Variants in ADD2 observed in about 807,000 individuals in gnomAD.
ADD2 encodes beta-adducin.
A neutral mutation model predicts 83.0 loss-of-function variants in ADD2; 23 were observed. The ratio of observed to expected loss-of-function variants is 0.28; its 90% CI spans 0.20 to 0.39. The LOEUF (loss-of-function observed/expected upper bound fraction) is 0.39, where lower values mean the gene tolerates loss of function less well. Ranked by LOEUF, ADD2 falls within the 10% of genes least tolerant of loss-of-function variation. The probability of loss-of-function intolerance (pLI) is 1.00; values close to 1 mark genes in which losing one functional copy is unlikely to be tolerated. For missense variants in ADD2, 758 were observed against 944.9 expected, an observed-to-expected ratio of 0.80 and a Z score of 2.59; for synonymous variants, 375 against 375.4, an observed-to-expected ratio of 1.00 and a Z score of 0.01.
chr2:70,712,950 C>T (rs996599490), intron 2 of ADD2, 116 bp downstream of exon 2: 1 of 230,934 alleles, frequency 4.3e-6, no homozygotes, highest in Non-Finnish European at 7.2e-6. Context: ...ATAGCAATGA[C>T]CTGAGTGTCT....
At position 70,736,822 on chromosome 2, in the gene ADD2, G is replaced by A. The variant is rs116503946; in HGVS notation, c.-153-23638C>T. Among the ~76,000 whole-genome samples, 581 of 151,324 alleles carry A rather than the reference G, an allele frequency of 3.8e-3. 6 individuals are homozygous for A. The highest frequency in any genetic ancestry group is 0.013 in the African/African-American group (539 of 41,128). ...ATGAATGCTCGAATAATATGAGCTT[G>A]GAGGTAAGCAGAATCATTAGTCCAG... On this transcript the variant is annotated intron_variant, in intron 1 of 15. Transcript: ENST00000264436.
At chr2:70,678,352 C>T (rs1449327261) in intron 11 of ADD2, among the ~76,000 whole-genome samples, 15 of 152,212 alleles carry the variant, frequency 9.9e-5, no homozygotes, top group Admixed American at 7.2e-4. Flanking sequence ...GGGCTTGCAT[C>T]AGATCTGAAG....
chr2:70,749,837 C>T (rs926135973), intron 1 of ADD2, among the ~76,000 whole-genome samples: 1 of 152,190 alleles, frequency 6.6e-6, no homozygotes, highest in Non-Finnish European at 1.5e-5. Flanking sequence ...CATAAGGAGT[C>T]GCTGCACCAG....
chr2:70,755,625 T>C (rs1209350356), intron 1 of ADD2, among the ~76,000 whole-genome samples: 8 of 152,164 alleles, frequency 5.3e-5, no homozygotes, highest in African/African-American at 1.9e-4. Context: ...TACCTACCAT[T>C]GTGACCAATT....
intron 1 of ADD2, among the ~76,000 whole-genome samples, chr2:70,740,635 TTTG>T (rs1353579768): frequency 1.3e-5 from 2 of 149,266 alleles, no homozygotes; most frequent in African/African-American, 2.4e-5. Flanking sequence ...TGGGGATTTT[TTTG>T]TTTGTTTGTT....
chr2:70,692,186 T>C (rs1468644405), intron 7 of ADD2, among the ~76,000 whole-genome samples: 1 of 152,154 alleles, frequency 6.6e-6, no homozygotes, highest in East Asian at 1.9e-4. Flanking sequence ...ATGCAGTATG[T>C]GGGGGATGCG....
chr2:70,742,467 A>C (rs1553381295), intron 1 of ADD2, among the ~76,000 whole-genome samples: 1 of 152,176 alleles, frequency 6.6e-6, no homozygotes, highest in Non-Finnish European at 1.5e-5. Context: ...TTTTAGATGA[A>C]GTGAAATCAT....
chr2:70,690,674 T>C, intron 8 of ADD2, 112 bp downstream of exon 8: 1 of 1,286,770 alleles, frequency 7.8e-7, no homozygotes, highest in South Asian at 1.6e-5. Context: ...GATCTTTCTT[T>C]TTTTTCCCCC....
chr2:70,744,211 G>T (rs1007463500), intron 1 of ADD2, among the ~76,000 whole-genome samples: 1 of 152,196 alleles, frequency 6.6e-6, no homozygotes, highest in Non-Finnish European at 1.5e-5. Context: ...TAGTAGGATT[G>T]TACCAATGTT....
intron 1 of ADD2, among the ~76,000 whole-genome samples, chr2:70,735,536 C>T (rs1459647820): frequency 6.6e-6 from 1 of 151,982 alleles, no homozygotes; most frequent in Admixed American, 6.6e-5. Context: ...ACCTCCACAC[C>T]CCTAAAATTT....
intron 1 of ADD2, among the ~76,000 whole-genome samples, chr2:70,748,595 G>A (rs1192098929): frequency 1.3e-5 from 2 of 152,110 alleles, no homozygotes; most frequent in African/African-American, 4.8e-5. Flanking sequence ...TGATTAGAAC[G>A]TGTGACCACA....
intron 12 of ADD2, 86 bp downstream of exon 12, chr2:70,677,672 C>T (rs1254343642): frequency 9.7e-6 from 15 of 1,544,504 alleles, no homozygotes; most frequent in African/African-American, 1.4e-5. Flanking sequence ...GAGTCAGGCA[C>T]ATCCTGGGAA....
At position 70,763,192 on chromosome 2, in the gene ADD2, T is replaced by A. The variant is rs547933105; in HGVS notation, c.-154+4694A>T. On this transcript the variant is annotated intron_variant, in intron 1 of 15. Transcript: ENST00000264436. ...TTCAGTAACATTGGCAAAGCTTTCC[T>A]ATGTAGTTTATCTTGGAAGACAGAC... 2.0e-5 allele frequency among the ~76,000 whole-genome samples: 3 copies of A among 152,142 alleles called. No homozygotes were observed. In the South Asian group the frequency reaches 6.2e-4, roughly 32 times the overall value.
At chr2:70,757,724 A>G (rs533341597) in intron 1 of ADD2, among the ~76,000 whole-genome samples, 1 of 152,326 alleles carries the variant, frequency 6.6e-6, no homozygotes, top group Non-Finnish European at 1.5e-5. Flanking sequence ...TAGATTTTTG[A>G]AAGTAAACCC....
At chr2:70,737,936 A>G (rs1673672038) in intron 1 of ADD2, among the ~76,000 whole-genome samples, 1 of 152,062 alleles carries the variant, frequency 6.6e-6, no homozygotes, top group African/African-American at 2.4e-5. Context: ...GGAAATTACT[A>G]TCCCCCTTTT....
At chr2:70,685,970 C>T (rs1204349361) in intron 9 of ADD2, among the ~76,000 whole-genome samples, 1 of 152,228 alleles carries the variant, frequency 6.6e-6, no homozygotes, top group Non-Finnish European at 1.5e-5. Flanking sequence ...TGATGGGGAT[C>T]AGAGAGAACA....
At chr2:70,709,402 C>T (rs926034910) in intron 2 of ADD2, among the ~76,000 whole-genome samples, 2 of 151,762 alleles carry the variant, frequency 1.3e-5, no homozygotes, top group Non-Finnish European at 2.9e-5. Context: ...TGTGGTCATA[C>T]TTGGCAACAT....
intron 1 of ADD2, among the ~76,000 whole-genome samples, chr2:70,721,417 G>C (rs1553377337): frequency 6.6e-6 from 1 of 152,088 alleles, no homozygotes; most frequent in African/African-American, 2.4e-5. Flanking sequence ...TGTATACTAA[G>C]GATACCAGCT....
At chr2:70,758,459 G>A (rs1310305869) in intron 1 of ADD2, among the ~76,000 whole-genome samples, 2 of 152,122 alleles carry the variant, frequency 1.3e-5, no homozygotes, top group Admixed American at 1.3e-4. Context: ...GGGAAAGCAT[G>A]TTCAGAAAAA....
Sources: gnomAD v4.1 joint callset for allele counts (sites outside exome capture counted in the v4.1 genomes callset) on GRCh38, gnomAD v4.1.1 for gene constraint, MANE v1.5 for transcripts, NCBI Gene and HGNC (gene_info 2026-07-23, HGNC 2026-07-21) for gene names.